The following PDE10A variants were observed in gnomAD, a reference collection of about 807,000 sequenced individuals.
PDE10A encodes phosphodiesterase 10A.
Under a neutral mutation model 97.7 loss-of-function variants are expected in PDE10A, and 39 were observed. The observed-to-expected ratio is 0.40, with a 90% CI of 0.31 to 0.52. The LOEUF is 0.52. Ranked by LOEUF, PDE10A falls within the 20% of genes least tolerant of loss-of-function variation. The pLI is 0.56. For synonymous variants in PDE10A, 371 were observed against 376.8 expected, an observed-to-expected ratio of 0.98 and a Z score of 0.18; for missense variants, 731 against 1,047.8, an observed-to-expected ratio of 0.70 and a Z score of 4.17.
upstream of PDE10A, among the ~76,000 whole-genome samples, chr6:165,666,927 G>A (rs550116808): frequency 6.6e-6 from 1 of 152,280 alleles, no homozygotes; most frequent in East Asian, 1.9e-4. Context: ...CACACAATAG[G>A]CACTCAATAA....
chr6:165,950,419 T>A (rs1046056189), intron 1 of PDE10A, among the ~76,000 whole-genome samples: 4 of 152,180 alleles, frequency 2.6e-5, no homozygotes, highest in Non-Finnish European at 5.9e-5. Flanking sequence ...CTGATTTCTA[T>A]CAAAAGAATG....
chr6:165,784,871 T>C (rs1291608282), intron 1 of PDE10A, among the ~76,000 whole-genome samples: 2 of 152,090 alleles, frequency 1.3e-5, no homozygotes, highest in Non-Finnish European at 2.9e-5. Flanking sequence ...ATCAGAATGG[T>C]AAGGGGGAGT....
intron 3 of PDE10A, among the ~76,000 whole-genome samples, chr6:165,466,500 G>T (rs1279512247): frequency 6.6e-6 from 1 of 152,188 alleles, no homozygotes; most frequent in Admixed American, 6.5e-5. Flanking sequence ...TGTAGATATT[G>T]CATGTTTTAC....
intron 1 of PDE10A, among the ~76,000 whole-genome samples, chr6:165,963,651 G>A (rs1196952472): frequency 6.6e-6 from 1 of 152,182 alleles, no homozygotes; most frequent in African/African-American, 2.4e-5. Flanking sequence ...AGAGAGGGTG[G>A]GTGACCGGAG....
rs1788465488 is a variant in PDE10A, at chr6:165,418,312, G to C, written c.1796+323C>G. Among the ~76,000 whole-genome samples the C allele has an allele frequency of 6.6e-6, 1 of 152,148 alleles. No homozygotes were observed. The highest frequency in any genetic ancestry group is 1.9e-4 in the East Asian group (1 of 5,188). On this transcript the variant is annotated intron_variant, in intron 11 of 21. Transcript: ENST00000539869. This position sits in a 1 kb window ranked among gnomAD's most constrained non-coding sequence, Gnocchi z 4.8. ...AAGCACACCTTTTCTCTTGGACATG[G>C]GAAAACCTGCAGATTCCAGGTGGAG... is the stretch of plus-strand genomic sequence containing the variant.
At chr6:165,740,316 AAGAGAGAGAG>A (rs60010542) in intron 1 of PDE10A, among the ~76,000 whole-genome samples, 44 of 146,654 alleles carry the variant, frequency 3.0e-4, no homozygotes, top group East Asian at 8.1e-4. Context: ...TATGGAGAGA[AAGAGAGAGAG>A]AGAGAGAGAG....
chr6:165,824,984 A>AG (rs1779687068), intron 1 of PDE10A, among the ~76,000 whole-genome samples: 1 of 148,666 alleles, frequency 6.7e-6, no homozygotes, highest in Non-Finnish European at 1.5e-5. Flanking sequence ...AAAAAAAAAA[A>AG]AAAAAATACA....
chr6:165,568,175 A>C (rs981627641), intron 1 of PDE10A, among the ~76,000 whole-genome samples: 1 of 151,498 alleles, frequency 6.6e-6, no homozygotes, highest in Non-Finnish European at 1.5e-5. Flanking sequence ...ATTTTTTTGT[A>C]TTTTTAGTAG....
chr6:165,695,748 G>A (rs1178184722), intron 1 of PDE10A, among the ~76,000 whole-genome samples: 2 of 152,196 alleles, frequency 1.3e-5, no homozygotes, highest in African/African-American at 4.8e-5. Flanking sequence ...TGCATCTACT[G>A]TAAAGACAGC....
chr6:165,973,290 G>A (rs1320491888), intron 1 of PDE10A, among the ~76,000 whole-genome samples: 1 of 152,002 alleles, frequency 6.6e-6, no homozygotes, highest in Non-Finnish European at 1.5e-5. Flanking sequence ...ATGGTGGCAG[G>A]TGCCCGTAAT....
intron 1 of PDE10A, among the ~76,000 whole-genome samples, chr6:165,772,837 A>G (rs1326844447): frequency 2.6e-5 from 4 of 152,206 alleles, no homozygotes; most frequent in Non-Finnish European, 4.4e-5. Flanking sequence ...ATTTGGAAGT[A>G]CACATTAGGA....
At chr6:165,768,682 A>G (rs1777928136) in intron 1 of PDE10A, among the ~76,000 whole-genome samples, 1 of 152,186 alleles carries the variant, frequency 6.6e-6, no homozygotes, top group Admixed American at 6.5e-5. Flanking sequence ...AAAGAATACT[A>G]GGAAGAAAGG....
upstream of PDE10A, among the ~76,000 whole-genome samples, chr6:165,664,914 C>G (rs534570977): frequency 6.6e-6 from 1 of 152,324 alleles, no homozygotes; most frequent in Admixed American, 6.5e-5. Context: ...ATACATTTAA[C>G]TTGCCCATAA....
chr6:165,831,828 C>A (rs1184370673), intron 1 of PDE10A, among the ~76,000 whole-genome samples: 1 of 152,110 alleles, frequency 6.6e-6, no homozygotes, highest in African/African-American at 2.4e-5. Context: ...CTCCCCCCTG[C>A]CTTTTTAATA....
At chr6:165,875,746 T>TTGTGTGTG (rs1554334720) in intron 1 of PDE10A, among the ~76,000 whole-genome samples, 5 of 147,080 alleles carry the variant, frequency 3.4e-5, no homozygotes, top group African/African-American at 1.3e-4. Flanking sequence ...TTTTTTTTTT[T>TTGTGTGTG]TGTGTGTGTG....
chr6:165,668,073 T>C (rs1398890597), upstream of PDE10A, among the ~76,000 whole-genome samples: 2 of 152,206 alleles, frequency 1.3e-5, no homozygotes, highest in Non-Finnish European at 2.9e-5. Context: ...ACAAGTCAAA[T>C]ATATCAATTG....
intron 1 of PDE10A, among the ~76,000 whole-genome samples, chr6:165,608,537 G>A (rs980760489): frequency 6.6e-6 from 1 of 152,016 alleles, no homozygotes; most frequent in Non-Finnish European, 1.5e-5. Context: ...TTGGTTCCAA[G>A]TCTTTGCTAT....
intron 1 of PDE10A, among the ~76,000 whole-genome samples, chr6:165,933,644 G>C (rs918282628): frequency 1.3e-5 from 2 of 152,166 alleles, no homozygotes; most frequent in African/African-American, 4.8e-5. Context: ...ACTCTCCCTG[G>C]TTAAAGAATT....
chr6:165,826,657 C>T (rs78411233), intron 1 of PDE10A, among the ~76,000 whole-genome samples: 5,849 of 152,136 alleles, frequency 0.038, 386 homozygotes, highest in African/African-American at 0.13. Flanking sequence ...GAGGTACCCC[C>T]GTGTGTCTGA....
Sources: allele counts gnomAD v4.1 joint callset (sites outside exome capture counted in the v4.1 genomes callset), GRCh38; gene constraint gnomAD v4.1.1; non-coding constraint Gnocchi (gnomAD v3.1); transcripts MANE v1.5; gene names NCBI Gene and HGNC (gene_info 2026-07-23, HGNC 2026-07-21).